NAMPT: variants seen among roughly 807,000 people sequenced by gnomAD.
NAMPT encodes the protein nicotinamide phosphoribosyltransferase.
Under a neutral mutation model 58.7 loss-of-function variants are expected in NAMPT, and 7 were observed. That is an observed-to-expected ratio of 0.12 (90% CI 0.07 to 0.22). The LOEUF (loss-of-function observed/expected upper bound fraction) is 0.22. Among genes scored for constraint, NAMPT ranks in the 10% least tolerant of loss-of-function variants. The pLI is 1.00. For missense variants in NAMPT, 271 were observed against 567.9 expected (o/e 0.48, Z 5.31); for synonymous variants, 145 against 198.1 (o/e 0.73, Z 2.25).
At chr7:106,252,123 T>A (rs2115716631) in intron 10 of NAMPT, among the ~76,000 whole-genome samples, 1 of 152,280 alleles carries the variant, frequency 6.6e-6, no homozygotes, top group South Asian at 2.1e-4. Context: ...TTTATTCTAC[T>A]ATCATTCACA....
At chr7:106,276,833 A>T (rs1586026174) in intron 2 of NAMPT, 190 bp downstream of exon 2, 2 of 503,410 alleles carry the variant, frequency 4.0e-6, no homozygotes, top group East Asian at 7.3e-5. Flanking sequence ...CAAGAGCGAA[A>T]CTCGGTTTCC....
Position 106,249,282 on chromosome 7 carries a change from A to T in NAMPT, c.*1801T>A, listed in dbSNP as rs889034388. ...ACATGTTTAAAGAACCATCTGAAAA[A>T]CATATTCTTTCTAATACCACTTACA... is the stretch of plus-strand genomic sequence containing the variant. On this transcript the variant is annotated 3_prime_UTR_variant, in exon 11 of 11. Transcript: ENST00000222553. 1 of 152,526 alleles carries T rather than the reference A, an allele frequency of 6.6e-6. No homozygotes were observed. Among genetic ancestry groups the T allele is most frequent in the African/African-American group, 2.4e-5 (1 of 41,436 alleles). 9.4% of individuals were successfully genotyped at this position (152,526 alleles called of 1,614,324 possible). A position where few individuals can be genotyped will look rare whatever the true frequency, so the allele number is the denominator to read the frequency against.
In NAMPT at chr7:106,261,575, A is replaced by G. The variant is rs1359774289; in HGVS notation, c.1089+13T>C. The G allele has an allele frequency of 6.6e-7, 1 of 1,525,500 alleles. No individual in the cohort carries two copies. Among genetic ancestry groups the G allele is most frequent in the South Asian group, 1.2e-5 (1 of 83,580 alleles). 94.5% of individuals were successfully genotyped at this position (1,525,500 alleles called of 1,614,324 possible). Reference sequence around the variant, plus strand: ...GAAATGCCTTATTGAAACTTTTAATATAAAACACATACCTCTTGTAAGGTA... The same window carrying G: ...GAAATGCCTTATTGAAACTTTTAATGTAAAACACATACCTCTTGTAAGGTA... On this transcript the variant is annotated intron_variant, in intron 8 of 10. Transcript: ENST00000222553.
At chr7:106,282,909 C>G (rs6466098) in intron 1 of NAMPT, among the ~76,000 whole-genome samples, 1 of 152,106 alleles carries the variant, frequency 6.6e-6, no homozygotes, top group South Asian at 2.1e-4. Flanking sequence ...TTACTTCTAA[C>G]CTCAAGATTA....
At chr7:106,256,862 C>A (rs1052643846) in intron 8 of NAMPT, among the ~76,000 whole-genome samples, 1 of 152,096 alleles carries the variant, frequency 6.6e-6, no homozygotes, top group African/African-American at 2.4e-5. Context: ...TTAGGTACAC[C>A]AACAGGCCCA....
In NAMPT at chr7:106,263,493, T is replaced by C. The variant is rs988806322; in HGVS notation, c.868A>G (p.Ile290Val). The change falls in exon 7 of 11, where the codon ATA (isoleucine) becomes GTA (valine). Residue 290 changes from isoleucine (I) to valine (V), a missense_variant. This residue lies in a region of NAMPT where 143 missense variants were observed against 331.1 expected (regional missense o/e 0.43). Coordinates refer to ENST00000222553, the MANE Select transcript of NAMPT (RefSeq NM_005746.3). ...SYDIYNACEK[I>V]WGEDLRHLIV... is the part of the protein sequence containing the mutation. ...AAATGTCTTAGATCTTCACCCCATATTTTCTCACACGCATTATAAATGTCA... is the reference window on the plus strand; with the variant it reads ...AAATGTCTTAGATCTTCACCCCATACTTTCTCACACGCATTATAAATGTCA... 2.5e-6 allele frequency: 4 copies of C among 1,607,670 alleles called. No individual in the cohort carries two copies. Among genetic ancestry groups the C allele is most frequent in the Non-Finnish European group, 3.4e-6 (4 of 1,174,182 alleles).
chr7:106,258,691 G>C (rs972949052), intron 8 of NAMPT, among the ~76,000 whole-genome samples: 1 of 152,166 alleles, frequency 6.6e-6, no homozygotes, highest in African/African-American at 2.4e-5. Context: ...AGTCTATTAA[G>C]TGTGCAATAG....
intron 7 of NAMPT, among the ~76,000 whole-genome samples, chr7:106,262,633 G>T (rs1792326839): frequency 6.6e-6 from 1 of 152,070 alleles, no homozygotes; most frequent in Admixed American, 6.5e-5. Flanking sequence ...GACAAATGGT[G>T]TGGTCAAGTA....
intron 8 of NAMPT, among the ~76,000 whole-genome samples, chr7:106,260,031 T>C (rs888342470): frequency 2.0e-5 from 3 of 152,216 alleles, no homozygotes; most frequent in Non-Finnish European, 4.4e-5. Flanking sequence ...CTAAGGGTCC[T>C]AGGATTATCA....
chr7:106,282,890 T>C (rs1792792649), intron 1 of NAMPT, among the ~76,000 whole-genome samples: 1 of 152,254 alleles, frequency 6.6e-6, no homozygotes, highest in Non-Finnish European at 1.5e-5. Flanking sequence ...AATTTCTAAA[T>C]AAGTTTCATT....
At chr7:106,260,059 T>C (rs570335180) in intron 8 of NAMPT, among the ~76,000 whole-genome samples, 87 of 152,298 alleles carry the variant, frequency 5.7e-4, no homozygotes, top group African/African-American at 2.1e-3. Context: ...AAATGAGCAC[T>C]AGCTTCCACT....
At chr7:106,264,200 T>C (rs1233953053) in intron 6 of NAMPT, among the ~76,000 whole-genome samples, 2 of 152,100 alleles carry the variant, frequency 1.3e-5, no homozygotes, top group African/African-American at 2.4e-5. Context: ...TAGGAAGTCA[T>C]GTATTTTGTT....
intron 6 of NAMPT, among the ~76,000 whole-genome samples, chr7:106,267,798 G>A (rs1411044697): frequency 4.4e-5 from 5 of 113,320 alleles, no homozygotes; most frequent in African/African-American, 1.4e-4. Context: ...CCGAGATCCC[G>A]CCACTGCACT....
rs559030890 is a variant in NAMPT, at chr7:106,255,654, G to A, written c.1090-1150C>T. On this transcript the variant is annotated intron_variant, in intron 8 of 10. Coordinates refer to ENST00000222553, the MANE Select transcript of NAMPT (RefSeq NM_005746.3). The stretch of plus-strand genomic sequence containing the variant: ...ATCAAGATGAATCTAGAAGAATCAA[G>A]ATGAAAACATATAAAACTTATTTAA... 5.9e-5 allele frequency among the ~76,000 whole-genome samples: 9 copies of A among 152,248 alleles called. No individual in the cohort carries two copies. In the East Asian group the frequency reaches 1.7e-3, roughly 29 times the overall value.
intron 5 of NAMPT, 59 bp downstream of exon 5, chr7:106,269,095 A>G: frequency 6.7e-7 from 1 of 1,486,584 alleles, no homozygotes; most frequent in Admixed American, 2.2e-5. Context: ...AAAAGTTTAC[A>G]GTGGTACTCT....
chr7:106,265,009 C>A (rs1316011645), intron 6 of NAMPT, among the ~76,000 whole-genome samples: 2 of 151,990 alleles, frequency 1.3e-5, no homozygotes, highest in Admixed American at 6.6e-5. Context: ...TGAGAGAGAA[C>A]CTGTTTATAT....
chr7:106,259,026 GT>G (rs1792258179), intron 8 of NAMPT, among the ~76,000 whole-genome samples: 1 of 152,172 alleles, frequency 6.6e-6, no homozygotes, highest in Non-Finnish European at 1.5e-5. Context: ...CCCTGCTTTG[GT>G]TTTATCAACT....
chr7:106,280,940 C>CAA (rs563435444), intron 1 of NAMPT, among the ~76,000 whole-genome samples: 100 of 140,316 alleles, frequency 7.1e-4, no homozygotes, highest in African/African-American at 2.4e-3. Flanking sequence ...CACTCCGTCT[C>CAA]AAAAAAAAAA....
intron 8 of NAMPT, among the ~76,000 whole-genome samples, chr7:106,259,398 G>A (rs1792263551): frequency 6.6e-6 from 1 of 152,134 alleles, no homozygotes; most frequent in African/African-American, 2.4e-5. Context: ...ATCTAGAATG[G>A]TGAACCCTTT....
Sources: allele counts gnomAD v4.1 joint callset (sites outside exome capture counted in the v4.1 genomes callset), GRCh38; gene constraint gnomAD v4.1.1; regional missense constraint gnomAD v4.1.1; transcripts MANE v1.5; gene names NCBI Gene and HGNC (gene_info 2026-07-23, HGNC 2026-07-21).